KCNH7: variants seen among roughly 807,000 people sequenced by gnomAD.
The protein encoded by KCNH7 is voltage-gated inwardly rectifying potassium channel KCNH7.
In KCNH7, 49 loss-of-function variants were observed where a neutral mutation model predicts 120.8. The observed-to-expected ratio is 0.41, with a 90% CI of 0.32 to 0.51. KCNH7 has a LOEUF of 0.51. KCNH7 is among the 20% of genes least tolerant of loss of function. The probability of loss-of-function intolerance (pLI) is 0.38; values close to 1 mark genes in which losing one functional copy is unlikely to be tolerated. For missense variants in KCNH7, 1,097 were observed against 1,446.6 expected (o/e 0.76, Z 3.92); for synonymous variants, 547 against 516.1 (o/e 1.06, Z -0.81).
intron 2 of KCNH7, 108 bp from the exon 3 acceptor site, chr2:162,537,188 T>C: frequency 1.3e-6 from 1 of 751,254 alleles, no homozygotes; most frequent in East Asian, 2.7e-5. Flanking sequence ...TCTTAAATGA[T>C]CACTGATATT....
At chr2:162,792,742 G>T (rs1683998548) in intron 2 of KCNH7, among the ~76,000 whole-genome samples, 1 of 142,338 alleles carries the variant, frequency 7.0e-6, no homozygotes, top group African/African-American at 2.6e-5. Flanking sequence ...CCAGCTCCTG[G>T]ATTTGTTGAT....
intron 6 of KCNH7, among the ~76,000 whole-genome samples, chr2:162,472,396 AAAAC>A (rs1246530362): frequency 9.2e-5 from 14 of 152,208 alleles, no homozygotes; most frequent in African/African-American, 1.4e-4. Flanking sequence ...TTACAAGAAA[AAAAC>A]AAACAACCCC....
intron 2 of KCNH7, chr2:162,537,983 C>T (rs1282753203): frequency 6.6e-6 from 1 of 152,088 alleles, no homozygotes; most frequent in Admixed American, 6.6e-5. Flanking sequence ...CACTTTTACC[C>T]TCTGAATATG....
chr2:162,466,506 G>A (rs1004253406), intron 6 of KCNH7, among the ~76,000 whole-genome samples: 8 of 152,162 alleles, frequency 5.3e-5, no homozygotes, highest in Admixed American at 6.5e-5. Flanking sequence ...AACAGCATGA[G>A]GGTAACCATG....
At chr2:162,424,837 C>A (rs1687808895) in intron 8 of KCNH7, among the ~76,000 whole-genome samples, 1 of 152,122 alleles carries the variant, frequency 6.6e-6, no homozygotes, top group Admixed American at 6.6e-5. Context: ...TTGTTTTTAT[C>A]TATTTAAGGG....
chr2:162,745,037 A>G (rs888469536), intron 2 of KCNH7, among the ~76,000 whole-genome samples: 2 of 152,210 alleles, frequency 1.3e-5, no homozygotes, highest in Non-Finnish European at 2.9e-5. Context: ...GTTTTTGCAT[A>G]TCTACCTACT....
intron 14 of KCNH7, 112 bp from the exon 15 acceptor site, chr2:162,373,774 CAAG>C (rs1355939896): frequency 1.0e-5 from 6 of 591,894 alleles, no homozygotes; most frequent in African/African-American, 7.8e-5. Context: ...TTGCTTTAAA[CAAG>C]AAGGACAGGA....
chr2:162,586,305 T>C (rs1282660905), intron 2 of KCNH7, among the ~76,000 whole-genome samples: 1 of 152,088 alleles, frequency 6.6e-6, no homozygotes, highest in African/African-American at 2.4e-5. Context: ...GCCTTCCTTA[T>C]AGCTTCTATT....
At chr2:162,819,026 G>A (rs1685010503) in intron 2 of KCNH7, among the ~76,000 whole-genome samples, 1 of 152,054 alleles carries the variant, frequency 6.6e-6, no homozygotes, top group Non-Finnish European at 1.5e-5. Flanking sequence ...CAATGAACCT[G>A]TACCCTTAAA....
At chr2:162,627,382 A>C (rs887373020) in intron 2 of KCNH7, among the ~76,000 whole-genome samples, 12 of 152,172 alleles carry the variant, frequency 7.9e-5, no homozygotes, top group African/African-American at 2.9e-4. Flanking sequence ...ATATGAAAAA[A>C]TTGAATCCAT....
chr2:162,473,110 T>C (rs1175212348), intron 6 of KCNH7, among the ~76,000 whole-genome samples: 2 of 151,932 alleles, frequency 1.3e-5, no homozygotes, highest in African/African-American at 2.4e-5. Flanking sequence ...TTAGGAGATA[T>C]ACCTAATGTA....
At chr2:162,502,083 C>T (rs565955157) in intron 6 of KCNH7, 1 of 152,120 alleles carries the variant, frequency 6.6e-6, no homozygotes, top group Non-Finnish European at 1.5e-5. Flanking sequence ...TAGCCTCTCG[C>T]CAGCTCAGAA....
rs181328055 is a variant in KCNH7 at position 162,613,064 on chromosome 2, A to G, written c.308-75984T>C. On this transcript the variant is annotated intron_variant, in intron 2 of 15. Coordinates refer to ENST00000332142, the MANE Select transcript of KCNH7 (RefSeq NM_033272.4). ...CTATATAATGACAGAAAGTAGAGAGAAAACAACCACATATGCCTTTCAGAA... is the reference window on the plus strand; with the variant it reads ...CTATATAATGACAGAAAGTAGAGAGGAAACAACCACATATGCCTTTCAGAA... 9.0e-4 allele frequency among the ~76,000 whole-genome samples: 137 copies of G among 152,060 alleles called. No individual in the cohort carries two copies. In the East Asian group the frequency reaches 0.021, roughly 24 times the overall value.
chr2:162,790,445 C>G (rs768350005), intron 2 of KCNH7, among the ~76,000 whole-genome samples: 3 of 151,796 alleles, frequency 2.0e-5, no homozygotes, highest in Non-Finnish European at 2.9e-5. Flanking sequence ...TCAAACTCTT[C>G]CAAAAAATTA....
intron 2 of KCNH7, among the ~76,000 whole-genome samples, chr2:162,814,650 C>T (rs1339266022): frequency 2.6e-5 from 4 of 152,132 alleles, no homozygotes; most frequent in South Asian, 2.1e-4. Context: ...TCATCACTCT[C>T]GCCTCAGCTC....
At chr2:162,777,404 T>G (rs149371393) in intron 2 of KCNH7, among the ~76,000 whole-genome samples, 11 of 152,216 alleles carry the variant, frequency 7.2e-5, no homozygotes, top group African/African-American at 2.6e-4. Context: ...TGTACATGTT[T>G]AGTACAGACA....
intron 2 of KCNH7, among the ~76,000 whole-genome samples, chr2:162,591,201 A>G (rs1202493671): frequency 1.3e-5 from 2 of 151,850 alleles, no homozygotes; most frequent in African/African-American, 2.4e-5. Flanking sequence ...ACATCACCCA[A>G]TTTATTATCT....
chr2:162,487,933 C>T (rs1310602285), intron 6 of KCNH7, among the ~76,000 whole-genome samples: 3 of 152,190 alleles, frequency 2.0e-5, no homozygotes, highest in Non-Finnish European at 4.4e-5. Context: ...GATAAATGTC[C>T]TCTGCCTAAT....
At chr2:162,524,704 T>A (rs1691641547) in intron 3 of KCNH7, among the ~76,000 whole-genome samples, 2 of 151,918 alleles carry the variant, frequency 1.3e-5, no homozygotes, top group African/African-American at 4.8e-5. Flanking sequence ...AACACGACTT[T>A]TACTCCTGAA....
Sources: allele counts gnomAD v4.1 joint callset (sites outside exome capture counted in the v4.1 genomes callset), GRCh38; gene constraint gnomAD v4.1.1; transcripts MANE v1.5; gene names NCBI Gene and HGNC (gene_info 2026-07-23, HGNC 2026-07-21).